The following COL6A1 variants were observed in gnomAD, a reference collection of about 807,000 sequenced individuals.
COL6A1 encodes the protein collagen type VI alpha 1 chain.
A neutral mutation model predicts 145.6 loss-of-function variants in COL6A1; 80 were observed. The observed-to-expected ratio is 0.55, with a 90% CI of 0.46 to 0.66. COL6A1 has a LOEUF of 0.66. Among genes scored for constraint, COL6A1 ranks in the 30% least tolerant of loss-of-function variants. COL6A1 has a pLI of 0.00. For missense variants in COL6A1, 1,364 were observed against 1,473.8 expected (o/e 0.93, Z 1.22); for synonymous variants, 638 against 622.8 (o/e 1.02, Z -0.36).
At chr21:45,993,403 G>A (rs993933412) in intron 19 of COL6A1, among the ~76,000 whole-genome samples, 2 of 152,240 alleles carry the variant, frequency 1.3e-5, no homozygotes, top group Non-Finnish European at 2.9e-5. Context: ...GGGCGTCTCA[G>A]TCCCATCCGG....
chr21:45,990,908 G>C, intron 14 of COL6A1, 71 bp from the exon 15 acceptor site: 1 of 1,608,826 alleles, frequency 6.2e-7, no homozygotes, highest in Non-Finnish European at 8.5e-7. Context: ...TTCTGTCTGG[G>C]CGGTCTGGGG....
chr21:46,001,244 C>G lies in COL6A1; in HGVS notation c.1823-9C>G. 1.9e-6 allele frequency: 3 copies of G among 1,603,676 alleles called. No individual in the cohort carries two copies. The highest frequency in any genetic ancestry group is 1.7e-6 in the Non-Finnish European group (2 of 1,178,686). ...GGGCGTGCTCTGCTGACACCGCCCC[C>G]GCCTGCAGAATGCAAGTGCGGCCCC... On this transcript the variant is annotated splice_polypyrimidine_tract_variant and intron_variant, in intron 29 of 34. Transcript: ENST00000361866.
chr21:45,993,714 C>T lies in COL6A1; in HGVS notation c.1336-453C>T, dbSNP rs1022714786. Among the ~76,000 whole-genome samples the T allele has an allele frequency of 1.1e-4, 17 of 152,224 alleles. No homozygotes were observed. The East Asian group carries it at 3.3e-3, about 29-fold the overall frequency. The stretch of plus-strand genomic sequence containing the variant: ...AGCCCCCGTGGAGGGGTCGGGGGGA[C>T]GTCAAAGCAGGGATCGTGTGACTTA... On this transcript the variant is annotated intron_variant, in intron 19 of 34. Coordinates refer to ENST00000361866, the MANE Select transcript of COL6A1 (RefSeq NM_001848.3).
intron 3 of COL6A1, among the ~76,000 whole-genome samples, 166 bp downstream of exon 3, chr21:45,984,635 C>T (rs1285268772): frequency 6.6e-6 from 1 of 152,130 alleles, no homozygotes; most frequent in Non-Finnish European, 1.5e-5. Flanking sequence ...GAGACGGAGA[C>T]AGACAGAGAC....
intron 9 of COL6A1, 75 bp downstream of exon 9, chr21:45,989,212 AAG>A: frequency 1.3e-6 from 2 of 1,483,676 alleles, no homozygotes; most frequent in Non-Finnish European, 1.8e-6. Flanking sequence ...AAACTTCCGG[AAG>A]AGTGGCTGGG....
intron 1 of COL6A1, among the ~76,000 whole-genome samples, 169 bp from the exon 2 acceptor site, chr21:45,982,465 C>T (rs1004881831): frequency 6.6e-6 from 1 of 152,152 alleles, no homozygotes; most frequent in Non-Finnish European, 1.5e-5. Flanking sequence ...CACTCCACCC[C>T]CTCCCCACCG....
intron 27 of COL6A1, 95 bp downstream of exon 27, chr21:45,999,787 G>T: frequency 1.1e-6 from 1 of 945,156 alleles, no homozygotes. Context: ...TGTAGACGCT[G>T]CTCACGGGGG....
chr21:45,982,667 C>G lies in COL6A1; in HGVS notation c.131C>G (p.Thr44Ser), dbSNP rs2077714741. ...CPVDLFFVLDTSESVALRLKP... is the reference protein window; with the variant it reads ...CPVDLFFVLDSSESVALRLKP... The stretch of plus-strand genomic sequence containing the variant: ...GTGGACCTGTTCTTTGTGCTGGACA[C>G]CTCTGAGAGCGTGGCCCTGAGGCTG... The change falls in exon 2 of 35, where the codon ACC becomes AGC. Residue 44 changes from threonine to serine, a missense_variant. This residue lies in a region of COL6A1 where 414 missense variants were observed against 437.6 expected (regional missense o/e 0.95). Transcript: ENST00000361866. 6.2e-7 allele frequency: 1 copy of G among 1,612,810 alleles called. No individual in the cohort carries two copies. The highest frequency in any genetic ancestry group is 8.5e-7 in the Non-Finnish European group (1 of 1,179,998).
chr21:45,987,329 TC>T (rs971370248), intron 6 of COL6A1, 154 bp downstream of exon 6: 3 of 1,462,770 alleles, frequency 2.1e-6, no homozygotes, highest in African/African-American at 2.8e-5. Flanking sequence ...GGGATGTGTG[TC>T]CCCCTGCGTG....
chr21:45,992,089 C>A lies in COL6A1; in HGVS notation c.1182+17C>A. On this transcript the variant is annotated intron_variant, in intron 16 of 34. Transcript: ENST00000361866. ...GGAGACGAGGTGAGGAGCTTCACAG[C>A]CCCCACACATGCCAGGTATGGGCCC... 1.2e-6 allele frequency: 2 copies of A among 1,613,224 alleles called. No homozygotes were observed. The highest frequency in any genetic ancestry group is 1.6e-4 in the Middle Eastern group (1 of 6,062).
At chr21:45,990,489 GAGTGGACGGCGTGAAGGTGACCC>G (rs2123472529) in intron 13 of COL6A1, 67 bp downstream of exon 13, 3 of 1,081,376 alleles carry the variant, frequency 2.8e-6, no homozygotes, top group South Asian at 1.8e-5. Flanking sequence ...GGGAGGGACG[GAGTGGACGGCGTGAAGGTGACCC>G]GGGGAGGGAT....
At position 45,982,777 on chromosome 21, in the gene COL6A1, C is replaced by A; in HGVS notation, c.227+14C>A. 1 of 1,611,294 alleles carries A rather than the reference C, an allele frequency of 6.2e-7. No individual in the cohort carries two copies. The highest frequency in any genetic ancestry group is 8.5e-7 in the Non-Finnish European group (1 of 1,179,878). Reference sequence around the variant, plus strand: ...CCTGAGGGACAGGTAGGAGGGACGCCCCGTGACCTTCCTCCTGTGCTTCTG... The same window carrying A: ...CCTGAGGGACAGGTAGGAGGGACGCACCGTGACCTTCCTCCTGTGCTTCTG... On this transcript the variant is annotated intron_variant, in intron 2 of 34. Transcript: ENST00000361866.
chr21:45,990,781 G>C lies in COL6A1; in HGVS notation c.1011G>C (p.Met337Ile), dbSNP rs752784167. 1.9e-5 allele frequency: 31 copies of C among 1,613,254 alleles called. No individual in the cohort carries two copies. Among genetic ancestry groups the C allele is most frequent in the Non-Finnish European group, 2.4e-5 (28 of 1,179,964 alleles). Residue 337 changes from methionine (M) to isoleucine (I), a missense_variant, in exon 14 of 35, where the codon ATG (methionine) becomes ATC (isoleucine). Met to Ile is a conservative substitution (Grantham distance 10, BLOSUM62 1). Around this residue, in one of 3 missense-constraint regions of COL6A1, gnomAD observed 938 missense variants for 1,003.8 expected, o/e 0.93. Transcript: ENST00000361866. The part of the protein sequence containing the change: ...IDGVDGVKGE[M>I]GYPGLPGCKG... ...TTTCTTCCTCTTTCCAGGGGGAGAT[G>C]GGGTACCCAGGCCTGCCAGGCTGCA...
rs749249798 is a variant in COL6A1, at chr21:45,998,192, C to G, written c.1575+21C>G. ...TCCCCGTAAGTGTCCGGAGGCTGAG[C>G]CCACAGGAACATGCCCAAGCTGCCT... On this transcript the variant is annotated intron_variant, in intron 23 of 34. Coordinates refer to ENST00000361866, the MANE Select transcript of COL6A1 (RefSeq NM_001848.3). 3.7e-6 allele frequency: 6 copies of G among 1,610,644 alleles called. No individual in the cohort carries two copies. The African/African-American group carries it at 4.0e-5, about 11-fold the overall frequency.
intron 27 of COL6A1, 86 bp downstream of exon 27, chr21:45,999,778 G>T: frequency 4.2e-5 from 45 of 1,061,686 alleles, no homozygotes; most frequent in East Asian, 6.7e-5. Context: ...GGGTGCTCCT[G>T]TAGACGCTGC....
intron 27 of COL6A1, 106 bp from the exon 28 acceptor site, chr21:46,000,225 C>A (rs374136854): frequency 1.4e-5 from 19 of 1,340,798 alleles, no homozygotes; most frequent in Middle Eastern, 1.8e-4. Flanking sequence ...GCCCAAACCC[C>A]GCCCTGTGGG....
At chr21:45,998,471 C>G (rs886736380) in intron 24 of COL6A1, 38 bp downstream of exon 24, 1 of 1,612,592 alleles carries the variant, frequency 6.2e-7, no homozygotes, top group African/African-American at 1.3e-5. Context: ...TGTGGGCACA[C>G]AAACATTCAC....
At chr21:45,989,510 A>T in intron 9 of COL6A1, 98 bp from the exon 10 acceptor site, 2 of 1,280,468 alleles carry the variant, frequency 1.6e-6, no homozygotes, top group East Asian at 2.3e-5. Context: ...TCTCGGCCTG[A>T]CCAGGCCTGG....
chr21:45,999,787 G>C, intron 27 of COL6A1, 95 bp downstream of exon 27: 1 of 945,156 alleles, frequency 1.1e-6, no homozygotes. Flanking sequence ...TGTAGACGCT[G>C]CTCACGGGGG....
Sources: gnomAD v4.1 joint callset for allele counts (sites outside exome capture counted in the v4.1 genomes callset) on GRCh38, gnomAD v4.1.1 for gene constraint, gnomAD v4.1.1 regional missense constraint, MANE v1.5 for transcripts, NCBI Gene and HGNC (gene_info 2026-07-23, HGNC 2026-07-21) for gene names.